Variants in RP1L1 observed in about 807,000 individuals in gnomAD.
RP1L1 encodes retinitis pigmentosa 1-like 1 protein.
A neutral mutation model predicts 15.7 loss-of-function variants in RP1L1; 27 were observed. The observed-to-expected ratio is 1.72, with a 90% confidence interval of 1.27 to 2.38. The LOEUF is 2.38. Among genes scored for constraint, RP1L1 ranks in the 30% most tolerant of loss-of-function variants. The pLI is 0.00. For missense variants in RP1L1, 4,798 were observed against 3,075.9 expected (o/e 1.56, Z -13.24); for synonymous variants, 1,813 against 1,276.7 (o/e 1.42, Z -8.96).
chr8:10,634,441 C>T (rs1160674650), intron 1 of RP1L1, among the ~76,000 whole-genome samples: 1 of 152,062 alleles, frequency 6.6e-6, no homozygotes, highest in South Asian at 2.1e-4. Flanking sequence ...ACCGGTTTTC[C>T]GTGATGTGAC....
rs201640796 is a variant in RP1L1, at chr8:10,611,071, C to T, written c.3027G>A (p.Ala1009=). The change falls in exon 4 of 4, where the codon GCG becomes GCA. Residue 1009 remains alanine (A), a synonymous_variant. Transcript: ENST00000382483. ...SLEGLGEPAQ[A]GQQSLEGDPG... is the part of the protein sequence containing the mutation. ...GGTCCCCTTCCAGGGACTGCTGTCC[C>T]GCCTGAGCTGGCTCCCCCAGGCCTT... The T allele has an allele frequency of 4.4e-4, 704 of 1,612,734 alleles. 3 individuals are homozygous for T. The highest frequency in any genetic ancestry group is 5.0e-4 in the Non-Finnish European group (595 of 1,180,014).
chr8:10,612,767 C>G lies in RP1L1; in HGVS notation c.1331G>C (p.Gly444Ala), dbSNP rs1420389932. The G allele has an allele frequency of 6.2e-7, 1 of 1,609,400 alleles. No individual in the cohort carries two copies. Among genetic ancestry groups the G allele is most frequent in the Non-Finnish European group, 8.5e-7 (1 of 1,179,926 alleles). Reference sequence around the variant, plus strand: ...ACTGTCCTGGCTGCATCTCTCCCTCCCGGCAGTCCCGTGGCCCCACAGGCC... The same window carrying G: ...ACTGTCCTGGCTGCATCTCTCCCTCGCGGCAGTCCCGTGGCCCCACAGGCC... The part of the protein sequence containing the change: ...CSGLWGHGTA[G>A]RERCSQDSAS... The change falls in exon 4 of 4, where the codon GGG (glycine) becomes GCG (alanine). Residue 444 changes from glycine (G) to alanine (A), a missense_variant. By Grantham distance (60) the Gly-to-Ala change is moderately conservative. Transcript: ENST00000382483.
intron 1 of RP1L1, among the ~76,000 whole-genome samples, chr8:10,650,755 C>T (rs920693994): frequency 6.6e-6 from 1 of 151,908 alleles, no homozygotes; most frequent in African/African-American, 2.4e-5. Flanking sequence ...TTAGTGGAGA[C>T]ATGGTTTTGC....
intron 1 of RP1L1, 124 bp from the exon 2 acceptor site, chr8:10,623,344 G>C (rs1798104613): frequency 4.1e-6 from 3 of 727,392 alleles, no homozygotes; most frequent in African/African-American, 1.8e-5. Context: ...ACTATGGAGA[G>C]GCAAGTGAAT....
intron 1 of RP1L1, among the ~76,000 whole-genome samples, chr8:10,631,995 T>A (rs2117243517): frequency 6.6e-6 from 1 of 152,348 alleles, no homozygotes; most frequent in Non-Finnish European, 1.5e-5. Flanking sequence ...TCCTTGAGAA[T>A]GTTTTTGTCA....
intron 1 of RP1L1, among the ~76,000 whole-genome samples, chr8:10,639,401 G>T (rs1041679623): frequency 6.6e-6 from 1 of 152,086 alleles, no homozygotes; most frequent in African/African-American, 2.4e-5. Context: ...TTTATTTAGA[G>T]ACAGGGTCTT....
At chr8:10,648,298 C>T (rs1200730283) in intron 1 of RP1L1, among the ~76,000 whole-genome samples, 1 of 152,192 alleles carries the variant, frequency 6.6e-6, no homozygotes, top group Non-Finnish European at 1.5e-5. Context: ...CCCCAAAGTA[C>T]TGGGATTACA....
At chr8:10,616,326 G>A (rs144702553) in intron 3 of RP1L1, 120 bp downstream of exon 3, 18 of 1,294,912 alleles carry the variant, frequency 1.4e-5, no homozygotes, top group South Asian at 1.1e-4. Context: ...AAATGACTGG[G>A]ATACCCAAGA....
chr8:10,612,986 C>G lies in RP1L1; in HGVS notation c.1112G>C (p.Gly371Ala). ...EVDPLCCVWE[G>A]YPWGFSEPGV... is the part of the protein sequence containing the mutation. Reference sequence around the variant, plus strand: ...AGGCTCTGAGAAGCCCCAAGGGTAGCCCTCCCACACACAGCAGAGGGGGTC... The same window carrying G: ...AGGCTCTGAGAAGCCCCAAGGGTAGGCCTCCCACACACAGCAGAGGGGGTC... The change falls in exon 4 of 4, where the codon GGC becomes GCC. Residue 371 changes from glycine (G) to alanine (A), a missense_variant. Transcript: ENST00000382483. The G allele has an allele frequency of 6.2e-7, 1 of 1,613,186 alleles. No homozygotes were observed. The highest frequency in any genetic ancestry group is 8.5e-7 in the Non-Finnish European group (1 of 1,179,868).
rs1429076807 is a variant in RP1L1, at chr8:10,610,878, C to A, written c.3220G>T (p.Ala1074Ser). ...APAGCRVSLR[A>S]LPGRVSASTQ... ...GAGGCAGACACCCGGCCAGGAAGTG[C>A]CCGCAGGCTCACCCTGCAGCCTGCT... Residue 1074 changes from alanine (A) to serine (S), a missense_variant, in exon 4 of 4, where the codon GCA (alanine) becomes TCA (serine). Transcript: ENST00000382483. 1.2e-6 allele frequency: 2 copies of A among 1,609,182 alleles called. No individual in the cohort carries two copies. Among genetic ancestry groups the A allele is most frequent in the Admixed American group, 1.7e-5 (1 of 59,784 alleles).
At chr8:10,619,775 A>T (rs991074852) in intron 2 of RP1L1, among the ~76,000 whole-genome samples, 4 of 151,622 alleles carry the variant, frequency 2.6e-5, no homozygotes, top group African/African-American at 9.7e-5. Flanking sequence ...AAAAATACAA[A>T]AAAAACCCAA....
rs753176925 is a variant in RP1L1, at chr8:10,616,514, G to T, written c.683C>A (p.Pro228Gln). 1 of 1,614,188 alleles carries T rather than the reference G, an allele frequency of 6.2e-7. No homozygotes were observed. Among genetic ancestry groups the T allele is most frequent in the Non-Finnish European group, 8.5e-7 (1 of 1,180,040 alleles). The stretch of plus-strand genomic sequence containing the variant: ...GCTTCTCCTGGCATTTTTCATGGCT[G>T]GGGTTCTGAAGGCCTCATGCCCGGC... ...VCAGHEAFRT[P>Q]AMKNARRSEA... The change falls in exon 3 of 4, where the codon CCA (proline) becomes CAA (glutamine). Residue 228 changes from proline (P) to glutamine (Q), a missense_variant. Coordinates refer to ENST00000382483, the MANE Select transcript of RP1L1 (RefSeq NM_178857.6).
chr8:10,607,578 G>T lies in RP1L1; in HGVS notation c.6520C>A (p.Gln2174Lys), dbSNP rs200488552. The change falls in exon 4 of 4, where the codon CAA (glutamine) becomes AAA (lysine). Residue 2174 changes from glutamine to lysine, a missense_variant. Transcript: ENST00000382483. ...GCCTCTACACCTTCTAACTCTGGTTGGGCCTCCTCTTCAGCCTCCTGGGCC... is the reference window on the plus strand; with the variant it reads ...GCCTCTACACCTTCTAACTCTGGTTTGGCCTCCTCTTCAGCCTCCTGGGCC... ...IEAQEAEEEA[Q>K]PELEGVEAPE... 6.2e-5 allele frequency: 97 copies of T among 1,564,606 alleles called. 1 individual carries two copies. The African/African-American group carries it at 1.2e-3, about 20-fold the overall frequency.
At position 10,609,170 on chromosome 8, in the gene RP1L1, A is replaced by G; in HGVS notation, c.4928T>C (p.Leu1643Pro). 6.2e-7 allele frequency: 1 copy of G among 1,612,430 alleles called. No homozygotes were observed. Residue 1643 changes from leucine to proline, a missense_variant, in exon 4 of 4, where the codon CTG (leucine) becomes CCG (proline). Transcript: ENST00000382483. Reference sequence around the variant, plus strand: ...CGCCTCCTCGCCCAGCTGGCTCCCCAGGGCTGTGCTGAGGGCTGGCTCGTC... The same window carrying G: ...CGCCTCCTCGCCCAGCTGGCTCCCCGGGGCTGTGCTGAGGGCTGGCTCGTC... ...LEDEPALSTA[L>P]GSQLGEEAEG...
Position 10,610,510 on chromosome 8 carries a change from T to G in RP1L1, c.3588A>C (p.Thr1196=). 6.2e-7 allele frequency: 1 copy of G among 1,613,720 alleles called. No individual in the cohort carries two copies. The highest frequency in any genetic ancestry group is 8.5e-7 in the Non-Finnish European group (1 of 1,180,014). The part of the protein sequence containing the change: ...SHAMTENFTP[T]SSSGVDISSG... Reference sequence around the variant, plus strand: ...TGCTGATGTCCACACCAGAGGAGGATGTGGGCGTGAAGTTCTCCGTCATGG... The same window carrying G: ...TGCTGATGTCCACACCAGAGGAGGAGGTGGGCGTGAAGTTCTCCGTCATGG... Residue 1196 remains threonine (T), a synonymous_variant, in exon 4 of 4, where the codon ACA becomes ACC. Coordinates refer to ENST00000382483, the MANE Select transcript of RP1L1 (RefSeq NM_178857.6).
chr8:10,632,847 C>T (rs373798420), intron 1 of RP1L1, among the ~76,000 whole-genome samples: 1 of 152,212 alleles, frequency 6.6e-6, no homozygotes, highest in African/African-American at 2.4e-5. Flanking sequence ...ATGGCTCTGA[C>T]ACAACTCAGA....
At chr8:10,653,597 A>T (rs890452941) in intron 1 of RP1L1, among the ~76,000 whole-genome samples, 9 of 151,212 alleles carry the variant, frequency 6.0e-5, no homozygotes, top group African/African-American at 1.9e-4. Flanking sequence ...CACCCACATC[A>T]CATGTGCGCA....
Position 10,611,318 on chromosome 8 carries a change from G to A in RP1L1, c.2780C>T (p.Thr927Ile), listed in dbSNP as rs77230188. Residue 927 changes from threonine to isoleucine, a missense_variant, in exon 4 of 4, where the codon ACC (threonine) becomes ATC (isoleucine). Coordinates refer to ENST00000382483, the MANE Select transcript of RP1L1 (RefSeq NM_178857.6). ...CTGGGGGCCTCCCCCACTCCTCAAG[G>A]TCTTCTCCTCGGACAGCCCCCGAGA... is the stretch of plus-strand genomic sequence containing the variant. ...AGSRGLSEEKTLRSGGGPQGQ... is the reference protein window; with the variant it reads ...AGSRGLSEEKILRSGGGPQGQ... 6 of 1,612,698 alleles carry A rather than the reference G, an allele frequency of 3.7e-6. No homozygotes were observed. Among genetic ancestry groups the A allele is most frequent in the East Asian group, 4.5e-5 (2 of 44,872 alleles).
intron 1 of RP1L1, among the ~76,000 whole-genome samples, chr8:10,653,903 G>T (rs1201882563): frequency 6.6e-6 from 1 of 152,176 alleles, no homozygotes; most frequent in Non-Finnish European, 1.5e-5. Flanking sequence ...AAGGAGTCCT[G>T]GTGCCCTCCC....
Sources: gnomAD v4.1 joint callset for allele counts (sites outside exome capture counted in the v4.1 genomes callset) on GRCh38, gnomAD v4.1.1 for gene constraint, MANE v1.5 for transcripts, NCBI Gene and HGNC (gene_info 2026-07-23, HGNC 2026-07-21) for gene names.